Variants in ENTREP2 observed in about 807,000 individuals in gnomAD.
ENTREP2 encodes the protein endosomal transmembrane epsin interactor 2.
the ENTREP2 span, among the ~76,000 whole-genome samples, chr15:29,295,956 T>TA: frequency 6.6e-6 from 1 of 152,172 alleles, no homozygotes; most frequent in Non-Finnish European, 1.5e-5. Flanking sequence ...GACTGCTGTA[T>TA]AAAAAACTTT....
At chr15:29,120,009 T>C in the ENTREP2 span, among the ~76,000 whole-genome samples, 2 of 152,364 alleles carry the variant, frequency 1.3e-5, no homozygotes, top group South Asian at 4.1e-4. Context: ...TTGGAGGCCA[T>C]GTCCATGGAG....
chr15:29,629,169 A>C, the ENTREP2 span, among the ~76,000 whole-genome samples: 1 of 152,076 alleles, frequency 6.6e-6, no homozygotes, highest in African/African-American at 2.4e-5. Context: ...TTTATATTCA[A>C]TCTACTTATG....
the ENTREP2 span, among the ~76,000 whole-genome samples, chr15:29,153,367 G>A: frequency 1.6e-4 from 24 of 152,186 alleles, no homozygotes; most frequent in African/African-American, 5.8e-4. Flanking sequence ...CTGGAAGTCT[G>A]AGATCAGGGT....
the ENTREP2 span, among the ~76,000 whole-genome samples, chr15:29,459,966 G>A: frequency 6.6e-6 from 1 of 152,128 alleles, no homozygotes; most frequent in African/African-American, 2.4e-5. Context: ...GCTATTTCAG[G>A]CCAGATGAGG....
the ENTREP2 span, among the ~76,000 whole-genome samples, chr15:29,532,669 G>C: frequency 6.6e-6 from 1 of 152,172 alleles, no homozygotes; most frequent in Non-Finnish European, 1.5e-5. Context: ...TTAAGTCTAA[G>C]TTCCAATTTT....
At chr15:29,585,090 A>C in the ENTREP2 span, among the ~76,000 whole-genome samples, 2 of 152,180 alleles carry the variant, frequency 1.3e-5, no homozygotes. Context: ...GATGAATACA[A>C]ATTATGTTGC....
At chr15:29,211,523 G>A in the ENTREP2 span, among the ~76,000 whole-genome samples, 2 of 152,224 alleles carry the variant, frequency 1.3e-5, no homozygotes, top group African/African-American at 4.8e-5. Flanking sequence ...TGTTGAAGAG[G>A]AGTGGTCAGA....
At chr15:29,388,623 C>T in the ENTREP2 span, among the ~76,000 whole-genome samples, 1 of 152,150 alleles carries the variant, frequency 6.6e-6, no homozygotes, top group Non-Finnish European at 1.5e-5. Context: ...TGGGTATATA[C>T]CCAAAGGATT....
chr15:29,353,636 T>C, the ENTREP2 span, among the ~76,000 whole-genome samples: 53 of 152,150 alleles, frequency 3.5e-4, no homozygotes, highest in Non-Finnish European at 6.3e-4. Context: ...ACCTTTGCAA[T>C]AGAAATACCA....
chr15:29,338,461 C>T, the ENTREP2 span, among the ~76,000 whole-genome samples: 2 of 151,736 alleles, frequency 1.3e-5, no homozygotes, highest in Non-Finnish European at 2.9e-5. Flanking sequence ...AAAAAGAAAC[C>T]AGGCAGGCAC....
At chr15:29,482,164 AT>A in the ENTREP2 span, among the ~76,000 whole-genome samples, 3,161 of 135,174 alleles carry the variant, frequency 0.023, 37 homozygotes, top group Non-Finnish European at 0.03. Context: ...CAGGCAGCTA[AT>A]TTTTTTTTTT....
the ENTREP2 span, chr15:29,269,680 C>T: frequency 1.3e-6 from 2 of 1,554,690 alleles, no homozygotes; most frequent in Admixed American, 4.0e-5. Context: ...GCCAGAGCGG[C>T]CCCGGTTCCT....
chr15:29,133,802 A>G, the ENTREP2 span, among the ~76,000 whole-genome samples: 2 of 152,112 alleles, frequency 1.3e-5, no homozygotes, highest in East Asian at 3.9e-4. Flanking sequence ...TATGAACTAC[A>G]GCTCCTGTCA....
At chr15:29,158,699 A>G in the ENTREP2 span, among the ~76,000 whole-genome samples, 6 of 152,298 alleles carry the variant, frequency 3.9e-5, no homozygotes, top group South Asian at 1.2e-3. Context: ...ATTCCTTTAC[A>G]AGGTGATTCA....
the ENTREP2 span, among the ~76,000 whole-genome samples, chr15:29,219,595 A>G: frequency 4.1e-5 from 5 of 123,304 alleles, no homozygotes; most frequent in Non-Finnish European, 6.9e-5. Context: ...ATGAGTGTAC[A>G]AAGGAACTGT....
the ENTREP2 span, among the ~76,000 whole-genome samples, chr15:29,576,309 C>T: frequency 1.3e-5 from 2 of 152,146 alleles, no homozygotes; most frequent in African/African-American, 2.4e-5. Context: ...ACTCCAAGCT[C>T]ATATCATAAT....
At chr15:29,559,388 A>C in the ENTREP2 span, among the ~76,000 whole-genome samples, 1 of 149,744 alleles carries the variant, frequency 6.7e-6, no homozygotes. Flanking sequence ...CAGGTAAACA[A>C]CTCTCCCCTC....
the ENTREP2 span, among the ~76,000 whole-genome samples, chr15:29,425,866 A>C: frequency 2.6e-5 from 4 of 152,158 alleles, no homozygotes; most frequent in East Asian, 7.7e-4. Flanking sequence ...AGATTTTATC[A>C]AAACAACCAC....
At chr15:29,163,133 A>G in the ENTREP2 span, among the ~76,000 whole-genome samples, 3 of 152,100 alleles carry the variant, frequency 2.0e-5, no homozygotes, top group Admixed American at 2.0e-4. Context: ...TGAAGGGAGC[A>G]CTCCATGGGA....
Sources: gnomAD v4.1 joint callset for allele counts (sites outside exome capture counted in the v4.1 genomes callset) on GRCh38, gnomAD v4.1.1 for gene constraint, MANE v1.5 for transcripts, NCBI Gene and HGNC (gene_info 2026-07-23, HGNC 2026-07-21) for gene names.